CCDC68: variants seen among roughly 807,000 people sequenced by gnomAD.
CCDC68 encodes coiled-coil domain-containing protein 68.
Under a neutral mutation model 47.1 loss-of-function variants are expected in CCDC68, and 45 were observed. The observed-to-expected ratio is 0.96, with a 90% CI of 0.75 to 1.23. The LOEUF is 1.23. Among genes scored for constraint, CCDC68 ranks in the 50% most tolerant of loss-of-function variants. CCDC68 has a pLI of 0.00. For missense variants in CCDC68, 353 were observed against 373.6 expected (o/e 0.94, Z 0.45); for synonymous variants, 131 against 129.5 (o/e 1.01, Z -0.08).
chr18:54,912,033 CTCTG>C (rs1206321894), intron 10 of CCDC68, among the ~76,000 whole-genome samples: 2 of 152,110 alleles, frequency 1.3e-5, no homozygotes, highest in African/African-American at 2.4e-5. Flanking sequence ...ATTATTATGG[CTCTG>C]TCTAAGGATA....
chr18:54,950,607 A>T (rs913375787), intron 1 of CCDC68, among the ~76,000 whole-genome samples: 2 of 152,196 alleles, frequency 1.3e-5, no homozygotes, highest in Non-Finnish European at 2.9e-5. Context: ...TATTATAGCC[A>T]GTGCTATAGA....
At chr18:54,958,012 A>G (rs2044743123) in intron 1 of CCDC68, 1 of 152,254 alleles carries the variant, frequency 6.6e-6, no homozygotes, top group Admixed American at 6.5e-5. Context: ...ATAAGCTAAC[A>G]AATAACATGC....
At chr18:54,928,033 C>A (rs2044175027) in intron 8 of CCDC68, among the ~76,000 whole-genome samples, 1 of 152,106 alleles carries the variant, frequency 6.6e-6, no homozygotes, top group Non-Finnish European at 1.5e-5. Flanking sequence ...AACAACAGTT[C>A]TAGGATGACA....
intron 10 of CCDC68, among the ~76,000 whole-genome samples, chr18:54,915,758 G>A (rs997820359): frequency 2.0e-5 from 3 of 151,902 alleles, no homozygotes; most frequent in African/African-American, 4.8e-5. Context: ...GTGAAACCCC[G>A]TCTCTACTAA....
Position 54,917,840 on chromosome 18 carries a change from GACACAC to G in CCDC68, c.873+67_873+72del, listed in dbSNP as rs59686916. On this transcript the variant is annotated intron_variant, in intron 10 of 11. Transcript: ENST00000591504. ...TGATACTGATACCCTCACGTGCACA[GACACAC>G]ACACACACACACACACACACACACT... 6.1e-3 allele frequency: 4,361 copies of G among 720,712 alleles called. 28 individuals are homozygous for G. Among genetic ancestry groups the G allele is most frequent in the African/African-American group, 0.034 (1,871 of 54,936 alleles). The allele number at this position is 720,712 out of a possible 1,614,324, so 44.6% of individuals were successfully genotyped here.
chr18:54,919,424 C>T lies in CCDC68; in HGVS notation c.684-48G>A, dbSNP rs201129110. On this transcript the variant is annotated intron_variant, in intron 8 of 11. Coordinates refer to ENST00000591504, the MANE Select transcript of CCDC68 (RefSeq NM_025214.3). ...ACCAAGAGAAAATGATTGGCTCACA[C>T]GTTCCATAGCTCGTCCTTACTGCTA... 5.6e-5 allele frequency: 78 copies of T among 1,395,118 alleles called. 1 individual carries two copies. In the Middle Eastern group the frequency reaches 6.4e-4, roughly 12 times the overall value. 86.4% of individuals were successfully genotyped at this position (1,395,118 alleles called of 1,614,324 possible). A position where few individuals can be genotyped will look rare whatever the true frequency, so the allele number is the denominator to read the frequency against.
chr18:54,907,400 T>C (rs1445747455), intron 11 of CCDC68, among the ~76,000 whole-genome samples: 1 of 152,106 alleles, frequency 6.6e-6, no homozygotes, highest in African/African-American at 2.4e-5. Context: ...GTTGACAACA[T>C]AGCAATTTCA....
At chr18:54,949,289 C>A (rs536048371) in intron 1 of CCDC68, among the ~76,000 whole-genome samples, 3 of 152,322 alleles carry the variant, frequency 2.0e-5, no homozygotes, top group Admixed American at 2.0e-4. Flanking sequence ...AGCCACAGCA[C>A]CCGGTCCCTA....
intron 1 of CCDC68, among the ~76,000 whole-genome samples, chr18:54,953,914 A>G (rs1282630169): frequency 6.6e-6 from 1 of 151,500 alleles, no homozygotes; most frequent in Non-Finnish European, 1.5e-5. Context: ...ATCTGCACAT[A>G]CACTGTTGGA....
chr18:54,941,816 G>A (rs2044442593), intron 3 of CCDC68, among the ~76,000 whole-genome samples: 1 of 152,016 alleles, frequency 6.6e-6, no homozygotes, highest in South Asian at 2.1e-4. Flanking sequence ...ATTTTTTTGA[G>A]ATGGAGTCTT....
Position 54,925,345 on chromosome 18 carries a change from CT to C in CCDC68, c.683+3454del, listed in dbSNP as rs1304204423. ...GTTTTTATAAATAACCTTAGATTTTCTTAAAAATTTCACAAAGGGCATGAAT... is the reference window on the plus strand; with the variant it reads ...GTTTTTATAAATAACCTTAGATTTTCTAAAAATTTCACAAAGGGCATGAAT... On this transcript the variant is annotated intron_variant, in intron 8 of 11. Transcript: ENST00000591504. Among the ~76,000 whole-genome samples the C allele has an allele frequency of 2.0e-5, 3 of 152,106 alleles. No individual in the cohort carries two copies. The East Asian group carries it at 5.8e-4, about 29-fold the overall frequency.
chr18:54,909,229 T>G (rs1246268261), intron 10 of CCDC68, among the ~76,000 whole-genome samples: 1 of 152,028 alleles, frequency 6.6e-6, no homozygotes, highest in Non-Finnish European at 1.5e-5. Flanking sequence ...GGGTTGCACT[T>G]TAAAGGACAC....
intron 9 of CCDC68, among the ~76,000 whole-genome samples, chr18:54,918,197 G>C (rs983409291): frequency 1.8e-4 from 28 of 152,352 alleles, no homozygotes; most frequent in African/African-American, 6.7e-4. Flanking sequence ...GCCCTCAGCT[G>C]GTGCCGTGAT....
intron 1 of CCDC68, among the ~76,000 whole-genome samples, chr18:54,954,217 G>A (rs540485581): frequency 3.3e-5 from 5 of 151,616 alleles, no homozygotes; most frequent in African/African-American, 7.3e-5. Context: ...CACCACACTC[G>A]GCTAATTTTT....
At chr18:54,919,401 C>T in intron 8 of CCDC68, 25 bp from the exon 9 acceptor site, 1 of 1,543,894 alleles carries the variant, frequency 6.5e-7, no homozygotes, top group South Asian at 1.1e-5. Context: ...GGAAAAAGAC[C>T]AAGAGAAAAT....
chr18:54,959,127 G>T (rs1283355162), intron 1 of CCDC68: 2 of 152,254 alleles, frequency 1.3e-5, no homozygotes, highest in African/African-American at 4.8e-5. Flanking sequence ...CAATGGGGAA[G>T]AAACTTCTCG....
rs1913839049 is a variant in CCDC68 at position 54,904,095 on chromosome 18, T to C, written c.*263A>G. The C allele has an allele frequency of 3.3e-6, 1 of 302,716 alleles. No individual in the cohort carries two copies. Among genetic ancestry groups the C allele is most frequent in the Admixed American group, 4.8e-5 (1 of 20,802 alleles). 18.8% of individuals were successfully genotyped at this position (302,716 alleles called of 1,614,324 possible). On this transcript the variant is annotated 3_prime_UTR_variant, in exon 12 of 12. Coordinates refer to ENST00000591504, the MANE Select transcript of CCDC68 (RefSeq NM_025214.3). ...AAAACAAGATTCAGATTTTTTTTTT[T>C]TTTTAATTTAAAGCAGAATCTGTCT...
chr18:54,918,103 T>A, intron 9 of CCDC68, 107 bp from the exon 10 acceptor site: 1 of 560,656 alleles, frequency 1.8e-6, no homozygotes, highest in Non-Finnish European at 3.1e-6. Flanking sequence ...TTCATCAAAT[T>A]AAAAAAAAAA....
rs1298672600 is a variant in CCDC68 at position 54,951,130 on chromosome 18, G to A, written c.-102-5653C>T. Among the ~76,000 whole-genome samples, 4 of 151,132 alleles carry A rather than the reference G, an allele frequency of 2.6e-5. No homozygotes were observed. In the East Asian group the frequency reaches 7.8e-4, roughly 30 times the overall value. On this transcript the variant is annotated intron_variant, in intron 1 of 11. Transcript: ENST00000591504. ...TCACCGTGTTAGCCAGGATGGTCTC[G>A]ATCTCCTGACCTCGTGATCCGCCCG...
Sources: allele counts gnomAD v4.1 joint callset (sites outside exome capture counted in the v4.1 genomes callset), GRCh38; gene constraint gnomAD v4.1.1; transcripts MANE v1.5; gene names NCBI Gene and HGNC (gene_info 2026-07-23, HGNC 2026-07-21).